NPTXR: variants seen among roughly 807,000 people sequenced by gnomAD.
The protein encoded by NPTXR is neuronal pentraxin receptor.
Under a neutral mutation model 32.2 loss-of-function variants are expected in NPTXR, and 12 were observed. That is an observed-to-expected ratio of 0.37 (90% CI 0.24 to 0.60). NPTXR has a LOEUF of 0.60. Among genes scored for constraint, NPTXR ranks in the 20% least tolerant of loss-of-function variants. The pLI, the probability that NPTXR is intolerant of heterozygous loss-of-function variation, is 0.66. For synonymous variants in NPTXR, 323 were observed against 315.8 expected (o/e 1.02, Z -0.24); for missense variants, 612 against 682.9 (o/e 0.90, Z 1.16).
chr22:38,834,342 G>A lies in NPTXR; in HGVS notation c.625-5830C>T, dbSNP rs1471248292. On this transcript the variant is annotated intron_variant, in intron 1 of 4. Transcript: ENST00000333039. This position sits in a 1 kb window ranked among gnomAD's most constrained non-coding sequence, Gnocchi z 4.4. ...CTGGCTTCAGCCCTTACCCCGACAG[G>A]ACATAGGTCACGCCCACTGAAAGTC... is the stretch of plus-strand genomic sequence containing the variant. Among the ~76,000 whole-genome samples, 4 of 152,094 alleles carry A rather than the reference G, an allele frequency of 2.6e-5. No individual in the cohort carries two copies. The highest frequency in any genetic ancestry group is 6.6e-5 in the Admixed American group (1 of 15,266).
chr22:38,823,630 T>C (rs1408778217), intron 3 of NPTXR, among the ~76,000 whole-genome samples: 1 of 152,170 alleles, frequency 6.6e-6, no homozygotes, highest in Admixed American at 6.5e-5. Flanking sequence ...CTGGCAGGGA[T>C]AGAATGAGCC....
rs2093107984 is a variant in NPTXR at position 38,826,864 on chromosome 22, T to G, written c.851-117A>C. 1.8e-5 allele frequency: 21 copies of G among 1,197,372 alleles called. No homozygotes were observed. In the South Asian group the frequency reaches 3.1e-4, roughly 18 times the overall value. The allele number at this position is 1,197,372 out of a possible 1,614,324, so 74.2% of individuals were successfully genotyped here. A position where few individuals can be genotyped will look rare whatever the true frequency, so the allele number is the denominator to read the frequency against. ...TCCCAGGCACCTGCTGCATGCCCAGTGCCTTCAGGGCTCTCTCTGCTCCAC... is the reference window on the plus strand; with the variant it reads ...TCCCAGGCACCTGCTGCATGCCCAGGGCCTTCAGGGCTCTCTCTGCTCCAC... On this transcript the variant is annotated intron_variant, in intron 2 of 4. Transcript: ENST00000333039.
chr22:38,824,964 TG>T (rs1310130626), intron 3 of NPTXR, among the ~76,000 whole-genome samples: 4 of 152,190 alleles, frequency 2.6e-5, no homozygotes, highest in Non-Finnish European at 5.9e-5. Context: ...TGGCTTTATG[TG>T]TTGTGGGCTG....
intron 1 of NPTXR, among the ~76,000 whole-genome samples, chr22:38,838,787 T>G (rs931032091): frequency 1.3e-5 from 2 of 151,974 alleles, no homozygotes; most frequent in Non-Finnish European, 2.9e-5. Context: ...TTCACCGTGT[T>G]AGCCAGGATG....
rs561150801 is a variant in NPTXR at position 38,831,799 on chromosome 22, T to C, written c.625-3287A>G. 1.7e-3 allele frequency among the ~76,000 whole-genome samples: 265 copies of C among 152,282 alleles called. 1 individual carries two copies. The highest frequency in any genetic ancestry group is 6.1e-3 in the African/African-American group (253 of 41,552). On this transcript the variant is annotated intron_variant, in intron 1 of 4. Transcript: ENST00000333039. ...CCAGAGGGGCATGCGGGAGTGAGGC[T>C]GTGCACCGGGCCCATCATAGGCACT...
At position 38,841,111 on chromosome 22, in the gene NPTXR, C is replaced by T. The variant is rs571137883; in HGVS notation, c.624+2124G>A. 3.3e-5 allele frequency among the ~76,000 whole-genome samples: 5 copies of T among 152,296 alleles called. No homozygotes were observed. In the South Asian group the frequency reaches 6.2e-4, roughly 19 times the overall value. On this transcript the variant is annotated intron_variant, in intron 1 of 4. Coordinates refer to ENST00000333039, the MANE Select transcript of NPTXR (RefSeq NM_014293.4). Reference sequence around the variant, plus strand: ...AGGGGAGAGATTGGACAGTGGCTAACGGGTGCATGGGACTCCGCTGAGCCA... The same window carrying T: ...AGGGGAGAGATTGGACAGTGGCTAATGGGTGCATGGGACTCCGCTGAGCCA...
At chr22:38,841,935 T>G (rs1344752017) in intron 1 of NPTXR, among the ~76,000 whole-genome samples, 1 of 152,216 alleles carries the variant, frequency 6.6e-6, no homozygotes, top group African/African-American at 2.4e-5. Context: ...TTCTCCTGCC[T>G]CTGCCACCTC....
At position 38,828,217 on chromosome 22, in the gene NPTXR, G is replaced by A. The variant is rs1265390647; in HGVS notation, c.850+70C>T. The A allele has an allele frequency of 3.1e-6, 4 of 1,277,994 alleles. No individual in the cohort carries two copies. The East Asian group carries it at 9.3e-5, about 30-fold the overall frequency. The allele number at this position is 1,277,994 out of a possible 1,614,324, so 79.2% of individuals were successfully genotyped here. On this transcript the variant is annotated intron_variant, in intron 2 of 4. Coordinates refer to ENST00000333039, the MANE Select transcript of NPTXR (RefSeq NM_014293.4). Reference sequence around the variant, plus strand: ...TCGATGTTAGCCTCCGGGGAGCATGGATATATTTTTTGAATGGCTCTGTCA... The same window carrying A: ...TCGATGTTAGCCTCCGGGGAGCATGAATATATTTTTTGAATGGCTCTGTCA...
chr22:38,828,170 C>T, intron 2 of NPTXR, 117 bp downstream of exon 2: 1 of 766,392 alleles, frequency 1.3e-6, no homozygotes, highest in African/African-American at 1.7e-5. Flanking sequence ...GTTCCACAGC[C>T]TCCTCCCCAC....
chr22:38,822,594 G>GGATGA lies in NPTXR; in HGVS notation c.*10_*14dup. ...AAGTGGCAGGCAAGGGAGGGGCCCT[G>GGATGA]GATGAGGTGGCCCCTCATGCCTTGG... On this transcript the variant is annotated 3_prime_UTR_variant, in exon 5 of 5. Transcript: ENST00000333039. 1 of 1,587,174 alleles carries GGATGA rather than the reference G, an allele frequency of 6.3e-7. No individual in the cohort carries two copies. Among genetic ancestry groups the GGATGA allele is most frequent in the Non-Finnish European group, 8.6e-7 (1 of 1,168,328 alleles).
intron 1 of NPTXR, among the ~76,000 whole-genome samples, chr22:38,832,561 G>A (rs550229467): frequency 2.6e-5 from 4 of 152,368 alleles, no homozygotes; most frequent in African/African-American, 9.6e-5. Flanking sequence ...TCTCCATCGA[G>A]CACTCGCTGC....
intron 1 of NPTXR, among the ~76,000 whole-genome samples, chr22:38,832,674 C>T (rs558930675): frequency 1.3e-5 from 2 of 152,354 alleles, no homozygotes; most frequent in African/African-American, 2.4e-5. Context: ...GGAACTGAGG[C>T]TCAGTGCCTG....
chr22:38,826,768 C>T (rs757996976), intron 2 of NPTXR, 21 bp from the exon 3 acceptor site: 2 of 1,604,244 alleles, frequency 1.2e-6, no homozygotes, highest in East Asian at 4.5e-5. Context: ...GCAAGGCAGA[C>T]ATGGTGGAGG....
chr22:38,843,194 A>G lies in NPTXR; in HGVS notation c.624+41T>C. On this transcript the variant is annotated intron_variant, in intron 1 of 4. Transcript: ENST00000333039. The surrounding 1 kb of genome is among the most constrained non-coding windows in gnomAD (Gnocchi z 5.3). Reference sequence around the variant, plus strand: ...GACGACCGCGGCCGGGCGGCCCCTCACACCACCCGGGCGGCTCCCCCGACG... The same window carrying G: ...GACGACCGCGGCCGGGCGGCCCCTCGCACCACCCGGGCGGCTCCCCCGACG... 1 of 1,280,176 alleles carries G rather than the reference A, an allele frequency of 7.8e-7. No individual in the cohort carries two copies. The highest frequency in any genetic ancestry group is 2.5e-5 in the South Asian group (1 of 40,104). 79.3% of individuals were successfully genotyped at this position (1,280,176 alleles called of 1,614,324 possible).
At chr22:38,835,230 C>T (rs865843343) in intron 1 of NPTXR, among the ~76,000 whole-genome samples, 2 of 151,892 alleles carry the variant, frequency 1.3e-5, no homozygotes, top group Non-Finnish European at 2.9e-5. Context: ...TCCCAGCTGG[C>T]GGTGAGGCAG....
rs78858416 is a variant in NPTXR, at chr22:38,828,842, C to T, written c.625-330G>A. 6.1e-3 allele frequency among the ~76,000 whole-genome samples: 934 copies of T among 152,338 alleles called. 14 individuals carry two copies. Among genetic ancestry groups the T allele is most frequent in the African/African-American group, 0.022 (901 of 41,574 alleles). On this transcript the variant is annotated intron_variant, in intron 1 of 4. Transcript: ENST00000333039. ...GTTTCAGGGTGCAGCTGGGGCTGAA[C>T]GCCCCACCCTAGTCCTTCATAGCAG...
intron 1 of NPTXR, among the ~76,000 whole-genome samples, chr22:38,837,878 CAG>C (rs1358325491): frequency 3.4e-5 from 2 of 59,636 alleles, no homozygotes; most frequent in Non-Finnish European, 7.6e-5. Flanking sequence ...TTATTTGAGA[CAG>C]AGTTTCGCTC....
In NPTXR at chr22:38,843,976, G is replaced by A; in HGVS notation, c.-118C>T. ...AGGCGCGGGAGCCGGAGCCGGAGCC[G>A]GAGCCGGAGCCGGAGCTGGAGCTGT... On this transcript the variant is annotated 5_prime_UTR_variant, in exon 1 of 5. Coordinates refer to ENST00000333039, the MANE Select transcript of NPTXR (RefSeq NM_014293.4). The surrounding 1 kb of genome is among the most constrained non-coding windows in gnomAD (Gnocchi z 5.3). 1 of 421,342 alleles carries A rather than the reference G, an allele frequency of 2.4e-6. No homozygotes were observed. Among genetic ancestry groups the A allele is most frequent in the Non-Finnish European group, 3.2e-6 (1 of 316,268 alleles). 26.1% of individuals were successfully genotyped at this position (421,342 alleles called of 1,614,324 possible). A position where few individuals can be genotyped will look rare whatever the true frequency, so the allele number is the denominator to read the frequency against.
chr22:38,829,690 C>CA (rs35373624), intron 1 of NPTXR, among the ~76,000 whole-genome samples: 32,647 of 152,078 alleles, frequency 0.21, 3,876 homozygotes, highest in African/African-American at 0.31. Context: ...GCTTAGGCCC[C>CA]AGACACGAAC....
Sources: gnomAD v4.1 joint callset for allele counts (sites outside exome capture counted in the v4.1 genomes callset) on GRCh38, gnomAD v4.1.1 for gene constraint, Gnocchi (gnomAD v3.1) non-coding constraint, MANE v1.5 for transcripts, NCBI Gene and HGNC (gene_info 2026-07-23, HGNC 2026-07-21) for gene names.